The following FIRRM variants were observed in gnomAD, a reference collection of about 807,000 sequenced individuals.
The protein encoded by FIRRM is FIGNL1 interacting regulator of recombination and mitosis, also known as FIGNL1-interacting regulator of recombination and mitosis.
chr1:169,793,483 G>A, the FIRRM span: 18 of 1,613,970 alleles, frequency 1.1e-5, no homozygotes, highest in East Asian at 2.2e-4. Flanking sequence ...TGTCTTGAGA[G>A]GGAGCTGCAT....
the FIRRM span, chr1:169,793,641 G>A: frequency 2.5e-6 from 4 of 1,613,052 alleles, no homozygotes; most frequent in Non-Finnish European, 1.7e-6. Context: ...TCTCTAATGG[G>A]TGTTAATTCA....
the FIRRM span, chr1:169,798,806 T>A: frequency 1.9e-6 from 1 of 525,414 alleles, no homozygotes; most frequent in Non-Finnish European, 2.9e-6. Flanking sequence ...CCAATTCCAA[T>A]CTCTTATGAG....
chr1:169,808,889 G>A, the FIRRM span, among the ~76,000 whole-genome samples: 8 of 152,096 alleles, frequency 5.3e-5, no homozygotes, highest in Non-Finnish European at 7.4e-5. Context: ...GTGAGCCACC[G>A]CGCCCAGCCT....
the FIRRM span, among the ~76,000 whole-genome samples, chr1:169,833,707 G>A: frequency 0.019 from 2,930 of 152,110 alleles, 57 homozygotes; most frequent in Middle Eastern, 0.061. Flanking sequence ...CCTTCTTTTC[G>A]TAGCCCCACC....
the FIRRM span, among the ~76,000 whole-genome samples, chr1:169,785,718 T>A: frequency 6.6e-6 from 1 of 152,100 alleles, no homozygotes; most frequent in African/African-American, 2.4e-5. Flanking sequence ...AAAAGGGAAC[T>A]TTTTAGGTGC....
chr1:169,799,635 T>C, the FIRRM span, among the ~76,000 whole-genome samples: 2 of 152,206 alleles, frequency 1.3e-5, no homozygotes, highest in South Asian at 4.1e-4. Context: ...CACTGCAACC[T>C]CCACCTTCCA....
At chr1:169,797,003 A>G in the FIRRM span, among the ~76,000 whole-genome samples, 1 of 152,206 alleles carries the variant, frequency 6.6e-6, no homozygotes, top group Non-Finnish European at 1.5e-5. Flanking sequence ...TAAAAAGCAC[A>G]TTACCATTAA....
the FIRRM span, among the ~76,000 whole-genome samples, chr1:169,825,474 C>T: frequency 6.6e-6 from 1 of 152,252 alleles, no homozygotes; most frequent in African/African-American, 2.4e-5. Flanking sequence ...ATCACCCACT[C>T]GTGGAACAGT....
chr1:169,853,111 T>TGACA, the FIRRM span: 102 of 899,374 alleles, frequency 1.1e-4, 1 homozygote, highest in African/African-American at 1.5e-3. Flanking sequence ...AATCTTTATT[T>TGACA]GACATTTAGA....
the FIRRM span, among the ~76,000 whole-genome samples, chr1:169,834,315 C>T: frequency 2.0e-5 from 3 of 151,948 alleles, no homozygotes; most frequent in East Asian, 5.8e-4. Context: ...TTTAAGAAAA[C>T]CTGAATCTGC....
the FIRRM span, among the ~76,000 whole-genome samples, chr1:169,832,864 A>G: frequency 3.3e-5 from 5 of 152,194 alleles, no homozygotes; most frequent in African/African-American, 1.2e-4. Context: ...TCTGCCTTCC[A>G]AAGTGCTGAG....
chr1:169,827,700 TTACATG>T, the FIRRM span: 1 of 1,613,576 alleles, frequency 6.2e-7, no homozygotes, highest in Non-Finnish European at 8.5e-7. Context: ...TGTGTTTTTA[TTACATG>T]TAAGACCTGC....
the FIRRM span, among the ~76,000 whole-genome samples, chr1:169,824,774 C>T: frequency 0.066 from 10,091 of 152,274 alleles, 430 homozygotes; most frequent in Non-Finnish European, 0.099. Flanking sequence ...TGCTCCTTCT[C>T]AGCCTCCTTA....
At chr1:169,826,574 G>C in the FIRRM span, among the ~76,000 whole-genome samples, 1 of 151,356 alleles carries the variant, frequency 6.6e-6, no homozygotes, top group Non-Finnish European at 1.5e-5. Context: ...TGTTGGCAAG[G>C]CTGGTCTTGA....
the FIRRM span, among the ~76,000 whole-genome samples, chr1:169,840,550 G>A: frequency 4.0e-5 from 6 of 148,596 alleles, no homozygotes; most frequent in Non-Finnish European, 5.9e-5. Flanking sequence ...TCGCACTGTC[G>A]CTCAGGCTGG....
chr1:169,827,121 C>G, the FIRRM span: 1 of 1,613,852 alleles, frequency 6.2e-7, no homozygotes, highest in South Asian at 1.1e-5. Flanking sequence ...AGGTGCTTTC[C>G]TAGTGACACT....
chr1:169,843,189 G>A, the FIRRM span, among the ~76,000 whole-genome samples: 1 of 152,136 alleles, frequency 6.6e-6, no homozygotes, highest in African/African-American at 2.4e-5. Context: ...GTTTTTTATG[G>A]TCAGATTGCC....
chr1:169,852,186 A>G, the FIRRM span: 2 of 523,648 alleles, frequency 3.8e-6, no homozygotes, highest in East Asian at 3.5e-5. Context: ...TACATATTGT[A>G]CCAGTGATGC....
chr1:169,813,664 G>C, the FIRRM span, among the ~76,000 whole-genome samples: 101 of 152,236 alleles, frequency 6.6e-4, 1 homozygote, highest in Middle Eastern at 0.017. Context: ...CCAATTGTTC[G>C]GTATGTCCAC....
Sources: gnomAD v4.1 joint callset for allele counts (sites outside exome capture counted in the v4.1 genomes callset) on GRCh38, gnomAD v4.1.1 for gene constraint, MANE v1.5 for transcripts, NCBI Gene and HGNC (gene_info 2026-07-23, HGNC 2026-07-21) for gene names.